The following TBC1D17 variants were observed in gnomAD, a reference collection of about 807,000 sequenced individuals.
The protein encoded by TBC1D17 is TBC1 domain family member 17.
TBC1D17 carries 69 observed loss-of-function variants against 78.8 expected under a neutral mutation model. The observed-to-expected ratio is 0.88, with a 90% CI of 0.72 to 1.07. The LOEUF is 1.07. Ranked by LOEUF, TBC1D17 falls within the 50% of genes least tolerant of loss-of-function variation. TBC1D17 has a pLI of 0.00. For synonymous variants in TBC1D17, 456 were observed against 358.3 expected (o/e 1.27, Z -3.08); for missense variants, 957 against 861.0 (o/e 1.11, Z -1.39).
At position 49,884,517 on chromosome 19, in the gene TBC1D17, G is replaced by A; in HGVS notation, c.1302G>A (p.Glu434=). 6.2e-7 allele frequency: 1 copy of A among 1,614,212 alleles called. No individual in the cohort carries two copies. ...LSPILYVIQN[E]VDAFWCFCGF... ...CGATCCTCTACGTCATTCAGAACGAGGTGGATGCTTTCTGGTGTTTCTGTG... is the reference window on the plus strand; with the variant it reads ...CGATCCTCTACGTCATTCAGAACGAAGTGGATGCTTTCTGGTGTTTCTGTG... The change falls in exon 12 of 17, where the codon GAG becomes GAA. Residue 434 remains glutamate (E), a synonymous_variant. Coordinates refer to ENST00000221543, the MANE Select transcript of TBC1D17 (RefSeq NM_024682.3).
intron 10 of TBC1D17, 31 bp from the exon 11 acceptor site, chr19:49,884,222 C>G (rs753558115): frequency 6.2e-7 from 1 of 1,601,990 alleles, no homozygotes; most frequent in Admixed American, 1.7e-5. Context: ...CTACCTTTCT[C>G]ACCTTTGCAC....
intron 15 of TBC1D17, 28 bp from the exon 16 acceptor site, chr19:49,888,196 GTGCCGAC>G (rs2075079046): frequency 6.4e-7 from 1 of 1,556,132 alleles, no homozygotes; most frequent in Admixed American, 1.9e-5. Flanking sequence ...AGGTGGTTGA[GTGCCGAC>G]TGGCGCCTGA....
chr19:49,885,082 C>T, intron 13 of TBC1D17: 1 of 330,780 alleles, frequency 3.0e-6, no homozygotes, highest in South Asian at 3.3e-5. Flanking sequence ...GGCTGTGGCT[C>T]ACCTTGAACC....
At position 49,879,867 on chromosome 19, in the gene TBC1D17, T is replaced by G. The variant is rs112336847; in HGVS notation, c.196-412T>G. The stretch of plus-strand genomic sequence containing the variant: ...CTTTTTTCTTTTTTTTTTTTTTTTT[T>G]TAATGAGACAGAATTTGCTCTTGTT... On this transcript the variant is annotated intron_variant, in intron 3 of 16. Transcript: ENST00000221543. Among the ~76,000 whole-genome samples, 440 of 148,130 alleles carry G rather than the reference T, an allele frequency of 3.0e-3. 3 individuals are homozygous for G. The highest frequency in any genetic ancestry group is 0.011 in the African/African-American group (430 of 40,158).
intron 13 of TBC1D17, 64 bp downstream of exon 13, chr19:49,884,822 A>G: frequency 1.4e-6 from 2 of 1,435,314 alleles, no homozygotes; most frequent in Non-Finnish European, 2.0e-6. Flanking sequence ...ATTCTCTGGT[A>G]GCAGCCACAG....
In TBC1D17 at chr19:49,884,679, C is replaced by G; in HGVS notation, c.1365C>G (p.Ser455Arg). ...CACAGCAAGGGAACTTTGAAGAGAG[C>G]CAGGAGACCATGAAGCGGCAACTCG... Reference protein sequence around the residue: ...MELVQGNFEESQETMKRQLGR... With the variant: ...MELVQGNFEERQETMKRQLGR... The change falls in exon 13 of 17, where the codon AGC becomes AGG. Residue 455 changes from serine to arginine, a missense_variant. Coordinates refer to ENST00000221543, the MANE Select transcript of TBC1D17 (RefSeq NM_024682.3). 6.2e-7 allele frequency: 1 copy of G among 1,614,134 alleles called. No homozygotes were observed.
At chr19:49,888,182 G>T (rs1325324817) in intron 15 of TBC1D17, 49 bp from the exon 16 acceptor site, 1 of 1,551,724 alleles carries the variant, frequency 6.4e-7, no homozygotes, top group South Asian at 1.2e-5. Context: ...GGGCGCTCGG[G>T]CGGAGGTGGT....
Position 49,884,740 on chromosome 19 carries a change from C to T in TBC1D17, c.1426C>T (p.Leu476=), listed in dbSNP as rs757088339. 1.2e-6 allele frequency: 2 copies of T among 1,613,990 alleles called. No individual in the cohort carries two copies. The highest frequency in any genetic ancestry group is 1.1e-5 in the South Asian group (1 of 91,086). The change falls in exon 13 of 17, where the codon CTG becomes TTG. Residue 476 remains leucine, a synonymous_variant. Transcript: ENST00000221543. ...GCTGCTCCTGAGGGTGCTGGACCCCCTGCTCTGCGACTTCCTGGGTATGTC... is the reference window on the plus strand; with the variant it reads ...GCTGCTCCTGAGGGTGCTGGACCCCTTGCTCTGCGACTTCCTGGGTATGTC... ...LLLLLRVLDP[L]LCDFLDSQDS...
At position 49,888,526 on chromosome 19, in the gene TBC1D17, G is replaced by GGCCCCCCCCCCCCCC; in HGVS notation, c.1849_1850insGCCCCCCCCCCCCCC (p.Ala617delinsGlyProProProProPro). On this transcript the variant is annotated protein_altering_variant, in exon 17 of 17. Coordinates refer to ENST00000221543, the MANE Select transcript of TBC1D17 (RefSeq NM_024682.3). The stretch of plus-strand genomic sequence containing the variant: ...CCCGCTGCCTCTGTCGCCCACCCGG[G>GGCCCCCCCCCCCCCC]CCCCGCCCACCCCGCCGCCCTCCAC... The GGCCCCCCCCCCCCCC allele has an allele frequency of 6.5e-7, 1 of 1,533,220 alleles. No individual in the cohort carries two copies. The highest frequency in any genetic ancestry group is 8.8e-7 in the Non-Finnish European group (1 of 1,141,162). 95.0% of individuals were successfully genotyped at this position (1,533,220 alleles called of 1,614,324 possible).
In TBC1D17 at chr19:49,888,580, C is replaced by T; in HGVS notation, c.1903C>T (p.Leu635=). The T allele has an allele frequency of 6.5e-7, 1 of 1,536,970 alleles. No homozygotes were observed. Among genetic ancestry groups the T allele is most frequent in the Non-Finnish European group, 8.7e-7 (1 of 1,146,256 alleles). Residue 635 remains leucine (L), a synonymous_variant, in exon 17 of 17, where the codon CTG becomes TTG. Transcript: ENST00000221543. The stretch of plus-strand genomic sequence containing the variant: ...CACAGCCCCGCAGCCCGACAGCAGC[C>T]TGGAGATCCTGCCCGAGGAGGAGGA... ...TDTAPQPDSS[L]EILPEEEDEG...
chr19:49,884,798 A>G (rs2075046182), intron 13 of TBC1D17, 40 bp downstream of exon 13: 6 of 1,578,758 alleles, frequency 3.8e-6, no homozygotes, highest in Non-Finnish European at 4.3e-6. Context: ...CAATGGGGCC[A>G]TAGACCTTGC....
In TBC1D17 at chr19:49,881,519, C is replaced by T; in HGVS notation, c.527+44C>T. ...CTGGGCCTTAAACCGGGCCCAGTCC[C>T]ACCATGGCTGCAGCGTGACCCCTCG... On this transcript the variant is annotated intron_variant, in intron 5 of 16. Transcript: ENST00000221543. The T allele has an allele frequency of 2.5e-6, 4 of 1,573,582 alleles. No individual in the cohort carries two copies. In the South Asian group the frequency reaches 3.3e-5, roughly 13 times the overall value.
At chr19:49,878,640 T>C (rs1044255147) in intron 3 of TBC1D17, 68 bp downstream of exon 3, 1 of 1,477,216 alleles carries the variant, frequency 6.8e-7, no homozygotes, top group African/African-American at 1.4e-5. Context: ...GTAAGTCATT[T>C]GAGGGACCTG....
intron 13 of TBC1D17, among the ~76,000 whole-genome samples, chr19:49,886,234 G>A (rs894908916): frequency 6.6e-6 from 1 of 151,958 alleles, no homozygotes; most frequent in East Asian, 1.9e-4. Context: ...CAGCCTGGGC[G>A]ACAGAGCGAG....
chr19:49,883,836 C>T (rs905518256), intron 10 of TBC1D17, 91 bp downstream of exon 10: 5 of 1,097,532 alleles, frequency 4.6e-6, no homozygotes, highest in Middle Eastern at 2.9e-4. Context: ...TAGAGGGAGC[C>T]CCCTGCCTCC....
chr19:49,887,546 C>T lies in TBC1D17; in HGVS notation c.1515C>T (p.Pro505=). The part of the protein sequence containing the change: ...WLLIWFKREF[P]FPDVLRLWEV... ...TCATCTGGTTCAAGAGGGAATTCCCCTTCCCGGATGTCCTTCGGCTGTGGG... is the reference window on the plus strand; with the variant it reads ...TCATCTGGTTCAAGAGGGAATTCCCTTTCCCGGATGTCCTTCGGCTGTGGG... Residue 505 remains proline (P), a synonymous_variant, in exon 14 of 17, where the codon CCC becomes CCT. Coordinates refer to ENST00000221543, the MANE Select transcript of TBC1D17 (RefSeq NM_024682.3). 1 of 1,614,198 alleles carries T rather than the reference C, an allele frequency of 6.2e-7. No individual in the cohort carries two copies. Among genetic ancestry groups the T allele is most frequent in the Non-Finnish European group, 8.5e-7 (1 of 1,180,020 alleles).
intron 9 of TBC1D17, 117 bp downstream of exon 9, chr19:49,883,193 C>A (rs137864708): frequency 2.2e-6 from 2 of 900,298 alleles, no homozygotes; most frequent in Middle Eastern, 2.6e-4. Flanking sequence ...CACCATCCTG[C>A]GCCTGTGGAA....
rs746571227 is a variant in TBC1D17, at chr19:49,884,769, C to T, written c.1444+11C>T. On this transcript the variant is annotated intron_variant, in intron 13 of 16. Transcript: ENST00000221543. ...TCTGCGACTTCCTGGGTATGTCTCT[C>T]GGGAGGGTGGGCAGGAGACAATGGG... 3.1e-5 allele frequency: 50 copies of T among 1,612,418 alleles called. No individual in the cohort carries two copies. Among genetic ancestry groups the T allele is most frequent in the East Asian group, 8.9e-5 (4 of 44,878 alleles).
chr19:49,881,155 T>C, intron 4 of TBC1D17, 113 bp from the exon 5 acceptor site: 1 of 883,508 alleles, frequency 1.1e-6, no homozygotes, highest in Non-Finnish European at 1.7e-6. Flanking sequence ...GAGGGGTGGC[T>C]TGTGGCGGGG....
Sources: allele counts gnomAD v4.1 joint callset (sites outside exome capture counted in the v4.1 genomes callset), GRCh38; gene constraint gnomAD v4.1.1; transcripts MANE v1.5; gene names NCBI Gene and HGNC (gene_info 2026-07-23, HGNC 2026-07-21).